The following SLC16A2 variants were observed in gnomAD, a reference collection of about 807,000 sequenced individuals.
SLC16A2 encodes the protein monocarboxylate transporter 8.
Under a neutral mutation model 27.2 loss-of-function variants are expected in SLC16A2, and 3 were observed. That is an observed-to-expected ratio of 0.11 (90% CI 0.05 to 0.28). The LOEUF (loss-of-function observed/expected upper bound fraction) is 0.28, where lower values mean the gene tolerates loss of function less well. Among genes scored for constraint, SLC16A2 ranks in the 10% least tolerant of loss-of-function variants. The pLI is 1.00. For synonymous variants in SLC16A2, 202 were observed against 187.8 expected, an observed-to-expected ratio of 1.08 and a Z score of -0.62; for missense variants, 295 against 458.5, an observed-to-expected ratio of 0.64 and a Z score of 3.26.
intron 3 of SLC16A2, 78 bp downstream of exon 3, chrX:74,524,887 G>C (rs902533400): frequency 2.2e-6 from 2 of 911,418 alleles, no homozygotes; most frequent in Non-Finnish European, 3.1e-6. Flanking sequence ...CAGAGGGTGG[G>C]GGTGGGAGAC....
At chrX:74,455,310 C>T (rs1929023510) in intron 1 of SLC16A2, among the ~76,000 whole-genome samples, 1 of 110,457 alleles carries the variant, frequency 9.1e-6, no homozygotes, top group South Asian at 3.9e-4. Flanking sequence ...GGATTGTCAT[C>T]CCTGTTTTAT....
intron 5 of SLC16A2, 103 bp downstream of exon 5, chrX:74,529,544 G>A (rs767008378): frequency 4.2e-5 from 25 of 597,202 alleles, no homozygotes; most frequent in East Asian, 2.5e-4. Flanking sequence ...TCCTCTTATC[G>A]TCTATTTAAG....
chrX:74,432,726 G>C (rs1406660230), intron 1 of SLC16A2, among the ~76,000 whole-genome samples: 2 of 111,745 alleles, frequency 1.8e-5, no homozygotes, highest in Admixed American at 9.5e-5. Context: ...GCTTATAGTA[G>C]AGCTTGGTTT....
intron 1 of SLC16A2, among the ~76,000 whole-genome samples, chrX:74,425,268 T>C (rs1928383953): frequency 1.8e-5 from 2 of 111,457 alleles, no homozygotes; most frequent in Admixed American, 9.6e-5. Context: ...GCAGTTTTTG[T>C]GGACCCTTTG....
intron 2 of SLC16A2, among the ~76,000 whole-genome samples, chrX:74,523,851 T>C (rs918975216): frequency 1.8e-5 from 2 of 112,052 alleles, no homozygotes; most frequent in African/African-American, 6.5e-5. Context: ...GAAATATTAA[T>C]GGCCTTAGCA....
chrX:74,463,910 G>A (rs1222583282), intron 1 of SLC16A2, among the ~76,000 whole-genome samples: 2 of 112,256 alleles, frequency 1.8e-5, no homozygotes, highest in Non-Finnish European at 3.8e-5. Context: ...ATCCTCAAAA[G>A]TTTCTTCATG....
intron 1 of SLC16A2, among the ~76,000 whole-genome samples, chrX:74,501,388 T>G (rs766071251): frequency 9.0e-6 from 1 of 111,461 alleles, no homozygotes; most frequent in Non-Finnish European, 1.9e-5. Flanking sequence ...TGGCAGACAG[T>G]ACAGAGAACA....
rs1187629312 is a variant in SLC16A2 at position 74,532,856 on chromosome X, C to G, written c.*1303C>G. The G allele has an allele frequency of 1.8e-5, 2 of 111,931 alleles. No individual in the cohort carries two copies. The highest frequency in any genetic ancestry group is 9.4e-5 in the Admixed American group (1 of 10,595). The allele number at this position is 111,931 out of a possible 1,213,427, so 9.2% of individuals were successfully genotyped here. On this transcript the variant is annotated 3_prime_UTR_variant, in exon 6 of 6. Transcript: ENST00000587091. Reference sequence around the variant, plus strand: ...GTGCCATGAAAGGTAGACTCTGAACCACTTTGATCCCTCTGAAGTAGGTGA... The same window carrying G: ...GTGCCATGAAAGGTAGACTCTGAACGACTTTGATCCCTCTGAAGTAGGTGA...
chrX:74,522,554 C>T (rs1930423712), intron 2 of SLC16A2, among the ~76,000 whole-genome samples: 1 of 112,067 alleles, frequency 8.9e-6, no homozygotes, highest in South Asian at 3.7e-4. Flanking sequence ...GCTTCAAAAG[C>T]AGCTCCAGTC....
At chrX:74,466,443 A>G (rs1318880876) in intron 1 of SLC16A2, among the ~76,000 whole-genome samples, 2 of 111,745 alleles carry the variant, frequency 1.8e-5, no homozygotes, top group African/African-American at 3.3e-5. Flanking sequence ...CTTTACAAAA[A>G]TTAGTGTAGT....
intron 1 of SLC16A2, among the ~76,000 whole-genome samples, chrX:74,459,514 G>A (rs773264427): frequency 2.2e-4 from 24 of 109,438 alleles, no homozygotes; most frequent in African/African-American, 7.3e-4. Flanking sequence ...CTGCCACTTA[G>A]AACTGTGTGA....
chrX:74,521,186 T>G, intron 2 of SLC16A2, 52 bp downstream of exon 2: 45 of 1,189,811 alleles, frequency 3.8e-5, no homozygotes, highest in Non-Finnish European at 4.9e-5. Context: ...TTGGTTTTTT[T>G]CTGGGCTTTA....
rs890187512 is a variant in SLC16A2, at chrX:74,473,895, C to A, written c.431-47095C>A. On this transcript the variant is annotated intron_variant, in intron 1 of 5. Coordinates refer to ENST00000587091, the MANE Select transcript of SLC16A2 (RefSeq NM_006517.5). Reference sequence around the variant, plus strand: ...TTTTCAGGTTGTTTCAAAGCTCAACCCTTCAATGAAGAGCTTCCTCAGCTG... The same window carrying A: ...TTTTCAGGTTGTTTCAAAGCTCAACACTTCAATGAAGAGCTTCCTCAGCTG... 1.7e-5 allele frequency: 8 copies of A among 460,355 alleles called. No homozygotes were observed. The East Asian group carries it at 3.0e-4, about 17-fold the overall frequency. The allele number at this position is 460,355 out of a possible 1,213,427, so 37.9% of individuals were successfully genotyped here.
chrX:74,453,366 T>G (rs1928979429), intron 1 of SLC16A2, among the ~76,000 whole-genome samples: 1 of 110,545 alleles, frequency 9.0e-6, no homozygotes, highest in African/African-American at 3.3e-5. Flanking sequence ...GTACAGAAAC[T>G]GTCATTTATC....
chrX:74,479,451 A>G (rs1324108162), intron 1 of SLC16A2, among the ~76,000 whole-genome samples: 5 of 111,747 alleles, frequency 4.5e-5, no homozygotes, highest in Non-Finnish European at 9.4e-5. Flanking sequence ...AGCTCGGAGT[A>G]GTTTGATCTT....
In SLC16A2 at chrX:74,498,068, G is replaced by A. The variant is rs1403819913; in HGVS notation, c.431-22922G>A. On this transcript the variant is annotated intron_variant, in intron 1 of 5. Coordinates refer to ENST00000587091, the MANE Select transcript of SLC16A2 (RefSeq NM_006517.5). Reference sequence around the variant, plus strand: ...CCTGGGTATAGGCCAAGCTAACTTTGGGAGGAATTTAGTTTATGGTTTAAC... The same window carrying A: ...CCTGGGTATAGGCCAAGCTAACTTTAGGAGGAATTTAGTTTATGGTTTAAC... Among the ~76,000 whole-genome samples, 4 of 111,356 alleles carry A rather than the reference G, an allele frequency of 3.6e-5. No homozygotes were observed. The Admixed American group carries it at 3.8e-4, about 11-fold the overall frequency.
intron 1 of SLC16A2, among the ~76,000 whole-genome samples, chrX:74,445,979 T>C (rs922303110): frequency 9.0e-6 from 1 of 111,449 alleles, no homozygotes; most frequent in Non-Finnish European, 1.9e-5. Context: ...GCTTTTCCTT[T>C]GACTGCTAAC....
chrX:74,469,315 G>A (rs1929307879), intron 1 of SLC16A2, among the ~76,000 whole-genome samples: 2 of 111,674 alleles, frequency 1.8e-5, no homozygotes, highest in African/African-American at 3.2e-5. Context: ...GATATACTGA[G>A]TTTTCTTCTT....
intron 1 of SLC16A2, among the ~76,000 whole-genome samples, chrX:74,466,950 T>C (rs761409072): frequency 2.7e-5 from 3 of 112,802 alleles, no homozygotes; most frequent in Non-Finnish European, 5.6e-5. Flanking sequence ...CCAGATCATT[T>C]TATGGCCACA....
Sources: allele counts gnomAD v4.1 joint callset (sites outside exome capture counted in the v4.1 genomes callset), GRCh38; gene constraint gnomAD v4.1.1; transcripts MANE v1.5; gene names NCBI Gene and HGNC (gene_info 2026-07-23, HGNC 2026-07-21).